RAB11FIP3: variants seen among roughly 807,000 people sequenced by gnomAD.
RAB11FIP3 encodes the protein RAB11 family interacting protein 3.
Under a neutral mutation model 77.8 loss-of-function variants are expected in RAB11FIP3, and 17 were observed. That is an observed-to-expected ratio of 0.22 (90% CI 0.15 to 0.33). The LOEUF (loss-of-function observed/expected upper bound fraction) is 0.33, where lower values mean the gene tolerates loss of function less well. Among genes scored for constraint, RAB11FIP3 ranks in the 10% least tolerant of loss-of-function variants. The probability of loss-of-function intolerance (pLI) is 1.00; values close to 1 mark genes in which losing one functional copy is unlikely to be tolerated. For synonymous variants in RAB11FIP3, 437 were observed against 448.2 expected, an observed-to-expected ratio of 0.98 and a Z score of 0.31; for missense variants, 1,005 against 1,011.2, an observed-to-expected ratio of 0.99 and a Z score of 0.08.
chr16:430,173 C>A (rs1430953300), intron 1 of RAB11FIP3, among the ~76,000 whole-genome samples: 2 of 152,116 alleles, frequency 1.3e-5, no homozygotes, highest in Non-Finnish European at 2.9e-5. Context: ...AAGGCTTCAA[C>A]CATCTCTGGA....
chr16:431,483 G>A (rs1399743271), intron 1 of RAB11FIP3, among the ~76,000 whole-genome samples: 1 of 151,616 alleles, frequency 6.6e-6, no homozygotes, highest in Non-Finnish European at 1.5e-5. Context: ...GGGTTCAAGC[G>A]ATTGTCTTGC....
At chr16:497,471 G>A in intron 6 of RAB11FIP3, 1 of 1,203,288 alleles carries the variant, frequency 8.3e-7, no homozygotes, top group Non-Finnish European at 1.1e-6. Context: ...GTCTTTATCT[G>A]CTTTGCCTTC....
In RAB11FIP3 at chr16:505,601, G is replaced by T; in HGVS notation, c.1473G>T (p.Arg491Ser). 1 of 1,602,978 alleles carries T rather than the reference G, an allele frequency of 6.2e-7. No homozygotes were observed. The change falls in exon 8 of 14, where the codon AGG becomes AGT. Residue 491 changes from arginine to serine, a missense_variant. This residue lies in a region of RAB11FIP3 where 433 missense variants were observed against 436.1 expected (regional missense o/e 0.99). Transcript: ENST00000262305. The surrounding 1 kb of genome is among the most constrained non-coding windows in gnomAD (Gnocchi z 4.0). ...CCGGTGAGCAACACAGCCGCCTGAG[G>T]CAGGAGAACCTGCAGCTGGTGCACA... ...AATGEQHSRL[R>S]QENLQLVHRA...
intron 4 of RAB11FIP3, among the ~76,000 whole-genome samples, chr16:488,070 A>G (rs968637334): frequency 1.3e-5 from 2 of 152,186 alleles, no homozygotes; most frequent in Non-Finnish European, 2.9e-5. Flanking sequence ...GTGTTGGGCT[A>G]AGTAAAATTT....
chr16:441,173 C>T (rs941520246), intron 1 of RAB11FIP3, among the ~76,000 whole-genome samples: 1 of 152,136 alleles, frequency 6.6e-6, no homozygotes, highest in Admixed American at 6.6e-5. Flanking sequence ...AACTTCTTAC[C>T]TCAGGTGATC....
intron 6 of RAB11FIP3, among the ~76,000 whole-genome samples, chr16:500,610 C>T (rs2031444748): frequency 6.8e-6 from 1 of 147,732 alleles, no homozygotes. Context: ...ATGGCTTGAA[C>T]CCGGAAGGCA....
At position 496,852 on chromosome 16, in the gene RAB11FIP3, G is replaced by A; in HGVS notation, c.1294G>A (p.Val432Met). The A allele has an allele frequency of 6.3e-7, 1 of 1,591,760 alleles. No individual in the cohort carries two copies. The highest frequency in any genetic ancestry group is 8.6e-7 in the Non-Finnish European group (1 of 1,159,782). Residue 432 changes from valine (V) to methionine (M), a missense_variant, in exon 6 of 14, where the codon GTG (valine) becomes ATG (methionine). Val to Met is a conservative substitution (Grantham distance 21). Around this residue, in one of 4 missense-constraint regions of RAB11FIP3, gnomAD observed 433 missense variants for 436.1 expected, o/e 0.99. Coordinates refer to ENST00000262305, the MANE Select transcript of RAB11FIP3 (RefSeq NM_014700.4). The part of the protein sequence containing the change: ...SPTKRLSSKK[V>M]ARYLHQSGAL... ...GACAAAGCGGCTCTCCAGCAAGAAG[G>A]TGGCAAGGTAGGTGGGTCTCTGGTT...
chr16:439,009 G>C (rs2055180696), intron 1 of RAB11FIP3, among the ~76,000 whole-genome samples: 1 of 151,956 alleles, frequency 6.6e-6, no homozygotes, highest in Non-Finnish European at 1.5e-5. Context: ...AAAGAGATAG[G>C]GCCTTGCTCT....
rs143123332 is a variant in RAB11FIP3, at chr16:484,674, C to T, written c.1115+1938C>T. On this transcript the variant is annotated intron_variant, in intron 4 of 13. Transcript: ENST00000262305. ...GGCCGTATTCAGCCCTATTTTTGTG[C>T]ATTGCTGTAAACTGTTGACTTTTAT... is the stretch of plus-strand genomic sequence containing the variant. Among the ~76,000 whole-genome samples, 962 of 152,256 alleles carry T rather than the reference C, an allele frequency of 6.3e-3. 7 individuals are homozygous for T. The highest frequency in any genetic ancestry group is 0.021 in the African/African-American group (868 of 41,554).
chr16:483,868 T>TCTTC (rs2141736927), intron 4 of RAB11FIP3, among the ~76,000 whole-genome samples: 1 of 152,120 alleles, frequency 6.6e-6, no homozygotes, highest in East Asian at 1.9e-4. Context: ...AGTCAGAAGA[T>TCTTC]CTTCGCATCT....
Position 514,493 on chromosome 16 carries a change from G to A in RAB11FIP3, c.1640+3693G>A, listed in dbSNP as rs1205310126. 1.3e-5 allele frequency among the ~76,000 whole-genome samples: 2 copies of A among 152,242 alleles called. No individual in the cohort carries two copies. The highest frequency in any genetic ancestry group is 2.9e-5 in the Non-Finnish European group (2 of 68,038). On this transcript the variant is annotated intron_variant, in intron 9 of 13. Transcript: ENST00000262305. This position sits in a 1 kb window ranked among gnomAD's most constrained non-coding sequence, Gnocchi z 4.6. ...CCTAGAAAACAGCTGGATTTCAGGA[G>A]TGGAGCCTCAGTAGAGATGAGAGTT...
rs2031924727 is a variant in RAB11FIP3 at position 507,321 on chromosome 16, C to A, written c.1499+1694C>A. 6.6e-6 allele frequency among the ~76,000 whole-genome samples: 1 copy of A among 152,186 alleles called. No homozygotes were observed. The highest frequency in any genetic ancestry group is 6.5e-5 in the Admixed American group (1 of 15,274). ...AGAGACGGGGTTTCACCATATTGAC[C>A]AGGCTGGTCTTGAACTCCTGACCTT... On this transcript the variant is annotated intron_variant, in intron 8 of 13. Transcript: ENST00000262305. This position sits in a 1 kb window ranked among gnomAD's most constrained non-coding sequence, Gnocchi z 4.6.
Position 521,113 on chromosome 16 carries a change from G to A in RAB11FIP3, c.*274G>A, listed in dbSNP as rs781607321. ...GGCCGTCCATCAGCGCTGACCTTCCGGGGGCCCAGAGCTTCCCAGCCCTGA... is the reference window on the plus strand; with the variant it reads ...GGCCGTCCATCAGCGCTGACCTTCCAGGGGCCCAGAGCTTCCCAGCCCTGA... On this transcript the variant is annotated 3_prime_UTR_variant, in exon 14 of 14. Transcript: ENST00000262305. 10 of 522,964 alleles carry A rather than the reference G, an allele frequency of 1.9e-5. No homozygotes were observed. The highest frequency in any genetic ancestry group is 6.6e-5 in the East Asian group (2 of 30,450). 32.4% of individuals were successfully genotyped at this position (522,964 alleles called of 1,614,324 possible).
At chr16:512,417 A>G (rs6600225) in intron 9 of RAB11FIP3, among the ~76,000 whole-genome samples, 1 of 150,868 alleles carries the variant, frequency 6.6e-6, no homozygotes, top group Admixed American at 6.6e-5. Flanking sequence ...ATTTTTTGTA[A>G]TTTTAGTAGA....
intron 8 of RAB11FIP3, among the ~76,000 whole-genome samples, chr16:510,231 C>T (rs112760686): frequency 0.011 from 1,727 of 151,164 alleles, 27 homozygotes; most frequent in African/African-American, 0.039. Flanking sequence ...GGCCCTGGCA[C>T]CTCCACGCCC....
intron 5 of RAB11FIP3, among the ~76,000 whole-genome samples, chr16:489,373 A>G (rs1596265489): frequency 1.3e-5 from 2 of 152,188 alleles, no homozygotes; most frequent in African/African-American, 4.8e-5. Flanking sequence ...TCATTTCCTT[A>G]TAAATATCTG....
chr16:443,725 C>T (rs537280924), intron 1 of RAB11FIP3, among the ~76,000 whole-genome samples: 2 of 152,270 alleles, frequency 1.3e-5, no homozygotes, highest in East Asian at 3.9e-4. Flanking sequence ...GCTACCACGC[C>T]CGGCTAATTT....
At chr16:513,224 T>TTGTC (rs1362477869) in intron 9 of RAB11FIP3, among the ~76,000 whole-genome samples, 2 of 152,030 alleles carry the variant, frequency 1.3e-5, no homozygotes, top group Non-Finnish European at 2.9e-5. Flanking sequence ...GTTTGTTTGT[T>TTGTC]TGTTTGTCTG....
In RAB11FIP3 at chr16:482,597, G is replaced by A; in HGVS notation, c.976G>A (p.Glu326Lys). ...CAGTGAGTGTGAGACCTTCACGGACGAGGACACCAGCACCCTGGTGCACCC... is the reference window on the plus strand; with the variant it reads ...CAGTGAGTGTGAGACCTTCACGGACAAGGACACCAGCACCCTGGTGCACCC... ...TYSECETFTD[E>K]DTSTLVHPEL... The change falls in exon 4 of 14, where the codon GAG becomes AAG. Residue 326 changes from glutamate (E) to lysine (K), a missense_variant. Around this residue, in one of 4 missense-constraint regions of RAB11FIP3, gnomAD observed 16 missense variants for 37.1 expected, o/e 0.43. Transcript: ENST00000262305. The A allele has an allele frequency of 6.2e-7, 1 of 1,613,610 alleles. No individual in the cohort carries two copies. Among genetic ancestry groups the A allele is most frequent in the Non-Finnish European group, 8.5e-7 (1 of 1,180,030 alleles).
Sources: allele counts gnomAD v4.1 joint callset (sites outside exome capture counted in the v4.1 genomes callset), GRCh38; gene constraint gnomAD v4.1.1; regional missense constraint gnomAD v4.1.1; non-coding constraint Gnocchi (gnomAD v3.1); transcripts MANE v1.5; gene names NCBI Gene and HGNC (gene_info 2026-07-23, HGNC 2026-07-21).